The following PRMT8 variants were observed in gnomAD, a reference collection of about 807,000 sequenced individuals.
PRMT8 encodes protein arginine methyltransferase 8.
A neutral mutation model predicts 47.1 loss-of-function variants in PRMT8; 7 were observed. That is an observed-to-expected ratio of 0.15 (90% CI 0.08 to 0.28). The LOEUF (loss-of-function observed/expected upper bound fraction) is 0.28, where lower values mean the gene tolerates loss of function less well. Among genes scored for constraint, PRMT8 ranks in the 10% least tolerant of loss-of-function variants. The pLI, the probability that PRMT8 is intolerant of heterozygous loss-of-function variation, is 1.00. For missense variants in PRMT8, 237 were observed against 505.4 expected, an observed-to-expected ratio of 0.47 and a Z score of 5.09; for synonymous variants, 188 against 186.5, an observed-to-expected ratio of 1.01 and a Z score of -0.07.
At chr12:3,584,583 A>C (rs983400228) in intron 8 of PRMT8, among the ~76,000 whole-genome samples, 1 of 152,206 alleles carries the variant, frequency 6.6e-6, no homozygotes, top group Non-Finnish European at 1.5e-5. Context: ...AAATCAGGAC[A>C]AAAGAGTATA....
At chr12:3,460,801 A>G (rs1275630077) in intron 1 of PRMT8, among the ~76,000 whole-genome samples, 3 of 152,200 alleles carry the variant, frequency 2.0e-5, no homozygotes, top group African/African-American at 7.2e-5. Context: ...GGCAATGGTC[A>G]AGAGAAAGCC....
upstream of PRMT8, chr12:3,491,064 G>C (rs1043322400): frequency 1.4e-6 from 1 of 708,682 alleles, no homozygotes; most frequent in Admixed American, 6.3e-5. Context: ...CGAGACCCTC[G>C]GAGACTAGGG....
At chr12:3,526,905 A>G (rs1449612503) in intron 1 of PRMT8, among the ~76,000 whole-genome samples, 5 of 152,192 alleles carry the variant, frequency 3.3e-5, no homozygotes, top group Non-Finnish European at 7.4e-5. Flanking sequence ...AGAATGGCAT[A>G]TGGCTGTTTG....
intron 1 of PRMT8, among the ~76,000 whole-genome samples, chr12:3,431,259 A>C (rs1433073981): frequency 2.0e-5 from 3 of 152,106 alleles, no homozygotes; most frequent in Admixed American, 2.0e-4. Context: ...GTTTGACTTG[A>C]CCAGGGTGGG....
At chr12:3,421,487 C>G (rs1399539250) in intron 1 of PRMT8, among the ~76,000 whole-genome samples, 1 of 152,200 alleles carries the variant, frequency 6.6e-6, no homozygotes, top group Non-Finnish European at 1.5e-5. Flanking sequence ...GGAGCTGGTG[C>G]CAGGACCGGT....
At chr12:3,457,374 A>T (rs1250888783) in intron 1 of PRMT8, among the ~76,000 whole-genome samples, 2 of 152,158 alleles carry the variant, frequency 1.3e-5, no homozygotes, top group Non-Finnish European at 2.9e-5. Context: ...CAGTAGAGGG[A>T]TCATAGCTCA....
At chr12:3,392,633 C>G (rs1224319356) in intron 1 of PRMT8, among the ~76,000 whole-genome samples, 1 of 151,530 alleles carries the variant, frequency 6.6e-6, no homozygotes, top group Non-Finnish European at 1.5e-5. Context: ...TGGGTTGGTT[C>G]CAAGTCTTTG....
chr12:3,523,501 C>T (rs1213433920), intron 1 of PRMT8, among the ~76,000 whole-genome samples: 1 of 152,158 alleles, frequency 6.6e-6, no homozygotes, highest in East Asian at 1.9e-4. Flanking sequence ...CTTCCTTTAA[C>T]CCACCAGACA....
chr12:3,466,985 C>G (rs1177323028), intron 1 of PRMT8, among the ~76,000 whole-genome samples: 1 of 152,130 alleles, frequency 6.6e-6, no homozygotes, highest in Non-Finnish European at 1.5e-5. Context: ...TGCCAGTAAT[C>G]CCAGCACTTT....
At position 3,514,957 on chromosome 12, in the gene PRMT8, A is replaced by G. The variant is rs1261335874; in HGVS notation, c.75+23257A>G. 6.6e-6 allele frequency among the ~76,000 whole-genome samples: 1 copy of G among 152,244 alleles called. No homozygotes were observed. Among genetic ancestry groups the G allele is most frequent in the East Asian group, 1.9e-4 (1 of 5,198 alleles). On this transcript the variant is annotated intron_variant, in intron 1 of 9. Transcript: ENST00000382622. The surrounding 1 kb of genome is among the most constrained non-coding windows in gnomAD (Gnocchi z 5.9). ...TCCTCTAAGCTATGTTGACAAACAG[A>G]AATTATGGATGCCATTCATCCAGCA...
intron 1 of PRMT8, among the ~76,000 whole-genome samples, chr12:3,464,463 G>C (rs888179060): frequency 1.3e-5 from 2 of 152,080 alleles, no homozygotes; most frequent in African/African-American, 4.8e-5. Flanking sequence ...GACATTACTC[G>C]TTCTCTCCTC....
At position 3,552,868 on chromosome 12, in the gene PRMT8, C is replaced by A. The variant is rs1167114674; in HGVS notation, c.418-783C>A. ...AGCCCAGGGCCTTAGCACAGGCCAG[C>A]CTCTGTAAGAGAGCCGGCTCCGGAG... On this transcript the variant is annotated intron_variant, in intron 3 of 9. Coordinates refer to ENST00000382622, the MANE Select transcript of PRMT8 (RefSeq NM_019854.5). The surrounding 1 kb of genome is among the most constrained non-coding windows in gnomAD (Gnocchi z 4.5). 2 of 438,526 alleles carry A rather than the reference C, an allele frequency of 4.6e-6. No homozygotes were observed. Among genetic ancestry groups the A allele is most frequent in the East Asian group, 1.4e-4 (2 of 14,030 alleles). 27.2% of individuals were successfully genotyped at this position (438,526 alleles called of 1,614,324 possible).
At chr12:3,543,987 C>G (rs1306234542) in intron 2 of PRMT8, among the ~76,000 whole-genome samples, 1 of 152,228 alleles carries the variant, frequency 6.6e-6, no homozygotes, top group Non-Finnish European at 1.5e-5. Context: ...CTCCAGCACC[C>G]TGAGCTCTGG....
rs1054336785 is a variant in PRMT8, at chr12:3,576,303, T to C, written c.713-568T>C. 2.0e-5 allele frequency among the ~76,000 whole-genome samples: 3 copies of C among 152,210 alleles called. No homozygotes were observed. The highest frequency in any genetic ancestry group is 7.2e-5 in the African/African-American group (3 of 41,454). ...AGGTTCAGAGAGGTTAGGTCATTTG[T>C]ACAAAGGCTGACCAGTAAGTGGTGG... On this transcript the variant is annotated intron_variant, in intron 6 of 9. Transcript: ENST00000382622. The surrounding 1 kb of genome is among the most constrained non-coding windows in gnomAD (Gnocchi z 4.0).
chr12:3,562,061 G>A (rs1189154371), intron 4 of PRMT8, among the ~76,000 whole-genome samples: 2 of 152,150 alleles, frequency 1.3e-5, no homozygotes, highest in Admixed American at 6.5e-5. Context: ...TCTATCTCCT[G>A]GAGAGCCGGT....
chr12:3,412,252 T>A (rs945295247), intron 1 of PRMT8, among the ~76,000 whole-genome samples: 4 of 152,214 alleles, frequency 2.6e-5, no homozygotes, highest in African/African-American at 7.2e-5. Flanking sequence ...AGTGAAAATA[T>A]GGTATAAAAA....
At chr12:3,519,389 G>A (rs1865846036) in intron 1 of PRMT8, among the ~76,000 whole-genome samples, 1 of 152,210 alleles carries the variant, frequency 6.6e-6, no homozygotes, top group Non-Finnish European at 1.5e-5. Context: ...GCAGGGCTGG[G>A]GGAAGGTTCT....
At chr12:3,435,843 CCTT>C (rs1383216025) in intron 1 of PRMT8, among the ~76,000 whole-genome samples, 1 of 152,162 alleles carries the variant, frequency 6.6e-6, no homozygotes, top group Non-Finnish European at 1.5e-5. Flanking sequence ...TTGAACCCCA[CCTT>C]CTCTGAACCG....
chr12:3,465,915 A>G (rs1401492451), intron 1 of PRMT8, among the ~76,000 whole-genome samples: 1 of 152,194 alleles, frequency 6.6e-6, no homozygotes, highest in African/African-American at 2.4e-5. Flanking sequence ...TCTGACGCCT[A>G]AGAAATGTAG....
Sources: gnomAD v4.1 joint callset for allele counts (sites outside exome capture counted in the v4.1 genomes callset) on GRCh38, gnomAD v4.1.1 for gene constraint, Gnocchi (gnomAD v3.1) non-coding constraint, MANE v1.5 for transcripts, NCBI Gene and HGNC (gene_info 2026-07-23, HGNC 2026-07-21) for gene names.